ALK: variants seen among roughly 807,000 people sequenced by gnomAD.
The protein encoded by ALK is ALK receptor tyrosine kinase, also known as ALK tyrosine kinase receptor.
ALK carries 74 observed loss-of-function variants against 163.1 expected under a neutral mutation model. The ratio of observed to expected loss-of-function variants is 0.45; its 90% CI spans 0.38 to 0.55. The LOEUF is 0.55. Among genes scored for constraint, ALK ranks in the 20% least tolerant of loss-of-function variants. ALK has a pLI of 0.00. For synonymous variants in ALK, 960 were observed against 843.2 expected (o/e 1.14, Z -2.40); for missense variants, 2,063 against 2,105.3 (o/e 0.98, Z 0.39).
chr2:29,920,581 G>C lies in ALK; in HGVS notation c.79C>G (p.Gln27Glu), dbSNP rs1469224885. Reference protein sequence around the residue: ...AAVGSGMGTGQRAGSPAAGPP... With the variant: ...AAVGSGMGTGERAGSPAAGPP... ...CCCGCAGCTGGGGAGCCCGCGCGCTGGCCGGTCCCCATCCCGGAGCCCACA... is the reference window on the plus strand; with the variant it reads ...CCCGCAGCTGGGGAGCCCGCGCGCTCGCCGGTCCCCATCCCGGAGCCCACA... Residue 27 changes from glutamine (Q) to glutamate (E), a missense_variant, in exon 1 of 29, where the codon CAG becomes GAG. Physicochemically the swap from Gln to Glu is conservative, Grantham distance 29. This residue lies in a region of ALK where 987 missense variants were observed against 939.5 expected (regional missense o/e 1.05). Transcript: ENST00000389048. 7 of 1,581,132 alleles carry C rather than the reference G, an allele frequency of 4.4e-6. No individual in the cohort carries two copies. The highest frequency in any genetic ancestry group is 6.0e-6 in the Non-Finnish European group (7 of 1,168,658).
At position 29,229,071 on chromosome 2, in the gene ALK, G is replaced by C. The variant is rs773644242; in HGVS notation, c.2633-5C>G. On this transcript the variant is annotated splice_region_variant and splice_polypyrimidine_tract_variant and intron_variant, in intron 15 of 28. Transcript: ENST00000389048. ...CATTCCAGCCACCTCCACCACCTGCGGGAAGAGATAGGGAACCTGCGTGAG... is the reference window on the plus strand; with the variant it reads ...CATTCCAGCCACCTCCACCACCTGCCGGAAGAGATAGGGAACCTGCGTGAG... 3 of 1,613,666 alleles carry C rather than the reference G, an allele frequency of 1.9e-6. No individual in the cohort carries two copies. The highest frequency in any genetic ancestry group is 2.5e-6 in the Non-Finnish European group (3 of 1,179,830).
chr2:29,193,465 A>G lies in ALK; in HGVS notation c.4622T>C (p.Val1541Ala), dbSNP rs552439944. The change falls in exon 29 of 29, where the codon GTC becomes GCC. Residue 1541 changes from valine to alanine, a missense_variant. Val to Ala is a moderately conservative substitution (Grantham distance 64, BLOSUM62 0). Transcript: ENST00000389048. ...GNLGLEGSCTVPPNVATGRLP... is the reference protein window; with the variant it reads ...GNLGLEGSCTAPPNVATGRLP... Reference sequence around the variant, plus strand: ...TCTCCCAGTTGCAACGTTAGGTGGGACAGTACAGCTTCCCTCCAGCCCCAG... The same window carrying G: ...TCTCCCAGTTGCAACGTTAGGTGGGGCAGTACAGCTTCCCTCCAGCCCCAG... The G allele has an allele frequency of 1.3e-5, 21 of 1,614,032 alleles. No individual in the cohort carries two copies. The highest frequency in any genetic ancestry group is 1.8e-5 in the Non-Finnish European group (21 of 1,180,030).
intron 11 of ALK, among the ~76,000 whole-genome samples, chr2:29,257,366 A>G (rs1014486675): frequency 2.6e-5 from 4 of 152,226 alleles, no homozygotes; most frequent in Non-Finnish European, 4.4e-5. Flanking sequence ...GATTGGTTAT[A>G]GACAGTTGAG....
rs1174034094 is a variant in ALK at position 29,209,834 on chromosome 2, C to A, written c.3788G>T (p.Gly1263Val). 2 of 1,614,036 alleles carry A rather than the reference C, an allele frequency of 1.2e-6. No homozygotes were observed. The highest frequency in any genetic ancestry group is 1.7e-6 in the Non-Finnish European group (2 of 1,180,040). The change falls in exon 25 of 29, where the codon GGA (glycine) becomes GTA (valine). Residue 1263 changes from glycine (G) to valine (V), a missense_variant. Coordinates refer to ENST00000389048, the MANE Select transcript of ALK (RefSeq NM_004304.5). ...RNCLLTCPGP[G>V]RVAKIGDFGM... The stretch of plus-strand genomic sequence containing the variant: ...GAAGTCTCCAATCTTGGCCACTCTT[C>A]CAGGGCCTGGACAGGTCAAGAGGCA...
rs1436818262 is a variant in ALK, at chr2:29,193,772, C to A, written c.4315G>T (p.Ala1439Ser). Residue 1439 changes from alanine to serine, a missense_variant, in exon 29 of 29, where the codon GCT (alanine) becomes TCT (serine). This residue lies in a region of ALK where 403 missense variants were observed against 366.2 expected (regional missense o/e 1.10). Coordinates refer to ENST00000389048, the MANE Select transcript of ALK (RefSeq NM_004304.5). Reference sequence around the variant, plus strand: ...GTGGTAGGCAGAGGTGGTGGGGCAGCTGGGCTGCGCTCCTCCTCCCGTTTT... The same window carrying A: ...GTGGTAGGCAGAGGTGGTGGGGCAGATGGGCTGCGCTCCTCCTCCCGTTTT... ...QAKREEERSP[A>S]APPPLPTTSS... is the part of the protein sequence containing the mutation. 6.3e-7 allele frequency: 1 copy of A among 1,593,016 alleles called. No individual in the cohort carries two copies.
intron 1 of ALK, among the ~76,000 whole-genome samples, chr2:29,829,358 T>C (rs1665299711): frequency 6.6e-6 from 1 of 151,596 alleles, no homozygotes; most frequent in Admixed American, 6.6e-5. Flanking sequence ...ACTGATGCAG[T>C]TTAACCATAT....
intron 1 of ALK, among the ~76,000 whole-genome samples, chr2:29,736,851 C>T (rs1289116314): frequency 6.6e-6 from 1 of 152,038 alleles, no homozygotes; most frequent in East Asian, 1.9e-4. Flanking sequence ...TAATACTTGT[C>T]AAAATTTATG....
chr2:29,880,014 A>C (rs989664403), intron 1 of ALK, among the ~76,000 whole-genome samples: 13 of 152,226 alleles, frequency 8.5e-5, no homozygotes, highest in Non-Finnish European at 1.8e-4. Context: ...TGGCAGATTT[A>C]AAGCAGATCC....
At chr2:29,828,585 A>T (rs1323010877) in intron 1 of ALK, among the ~76,000 whole-genome samples, 1 of 151,992 alleles carries the variant, frequency 6.6e-6, no homozygotes, top group Admixed American at 6.6e-5. Flanking sequence ...CTGGCCATCA[A>T]AGAAATGCAA....
At chr2:29,783,795 G>A (rs113589402) in intron 1 of ALK, among the ~76,000 whole-genome samples, 38 of 152,150 alleles carry the variant, frequency 2.5e-4, no homozygotes, top group African/African-American at 3.1e-4. Flanking sequence ...TGGGTTCCCT[G>A]GGGATAGAGG....
intron 1 of ALK, among the ~76,000 whole-genome samples, chr2:29,767,749 C>T (rs907982587): frequency 1.3e-5 from 2 of 152,192 alleles, no homozygotes; most frequent in African/African-American, 4.8e-5. Flanking sequence ...CCAGTTTCTC[C>T]CCTGCCTCCT....
chr2:29,435,438 G>A (rs1409173949), intron 4 of ALK, among the ~76,000 whole-genome samples: 2 of 152,022 alleles, frequency 1.3e-5, no homozygotes, highest in Non-Finnish European at 2.9e-5. Context: ...ATAAAACTGA[G>A]CACTTCGTAA....
intron 1 of ALK, among the ~76,000 whole-genome samples, chr2:29,847,543 CTCT>C (rs892999635): frequency 1.3e-5 from 2 of 152,130 alleles, no homozygotes; most frequent in Non-Finnish European, 2.9e-5. Flanking sequence ...TGGTCTAATG[CTCT>C]TCATTTTTCA....
intron 9 of ALK, among the ~76,000 whole-genome samples, chr2:29,276,770 T>C (rs1665558565): frequency 6.6e-6 from 1 of 152,094 alleles, no homozygotes; most frequent in Non-Finnish European, 1.5e-5. Flanking sequence ...TGATAGAAAA[T>C]GTCTAGAAAA....
At chr2:29,697,286 T>C (rs1573563931) in intron 2 of ALK, among the ~76,000 whole-genome samples, 3 of 152,096 alleles carry the variant, frequency 2.0e-5, no homozygotes, top group African/African-American at 7.2e-5. Flanking sequence ...GCTATGACAA[T>C]GAGTCAGGGT....
At chr2:29,671,655 G>C (rs1191534480) in intron 3 of ALK, among the ~76,000 whole-genome samples, 1 of 152,002 alleles carries the variant, frequency 6.6e-6, no homozygotes, top group African/African-American at 2.4e-5. Context: ...TGGGGTAGGG[G>C]TGTCACAGAT....
chr2:29,493,034 T>C (rs1671939969), intron 4 of ALK, among the ~76,000 whole-genome samples: 1 of 152,190 alleles, frequency 6.6e-6, no homozygotes, highest in Admixed American at 6.5e-5. Context: ...AGAGCATGCA[T>C]CTCATTTCAG....
chr2:29,610,272 T>A (rs1301247121), intron 3 of ALK, among the ~76,000 whole-genome samples: 1 of 152,204 alleles, frequency 6.6e-6, no homozygotes, highest in East Asian at 1.9e-4. Context: ...GGATGGCTGA[T>A]GACTTGCTGT....
chr2:29,497,722 C>T (rs1277854163), intron 4 of ALK, among the ~76,000 whole-genome samples: 2 of 152,124 alleles, frequency 1.3e-5, no homozygotes, highest in Non-Finnish European at 2.9e-5. Context: ...ATATTCTGCT[C>T]ACATGGGAAC....
Sources: allele counts gnomAD v4.1 joint callset (sites outside exome capture counted in the v4.1 genomes callset), GRCh38; gene constraint gnomAD v4.1.1; regional missense constraint gnomAD v4.1.1; transcripts MANE v1.5; gene names NCBI Gene and HGNC (gene_info 2026-07-23, HGNC 2026-07-21).